Variants in CPQ observed in about 807,000 individuals in gnomAD.
CPQ encodes the protein carboxypeptidase Q, also known as Ser-Met dipeptidase.
In CPQ, 37 loss-of-function variants were observed where a neutral mutation model predicts 45.7. The ratio of observed to expected loss-of-function variants is 0.81; its 90% CI spans 0.62 to 1.07. The LOEUF is 1.07. Among genes scored for constraint, CPQ ranks in the 50% least tolerant of loss-of-function variants. CPQ has a pLI of 0.00. For synonymous variants in CPQ, 186 were observed against 205.8 expected, an observed-to-expected ratio of 0.90 and a Z score of 0.82; for missense variants, 537 against 572.9, an observed-to-expected ratio of 0.94 and a Z score of 0.64.
rs566810987 is a variant in CPQ, at chr8:97,122,799, C to T, written c.1256-20221C>T. Among the ~76,000 whole-genome samples the T allele has an allele frequency of 3.3e-5, 5 of 150,014 alleles. No individual in the cohort carries two copies. In the South Asian group the frequency reaches 6.3e-4, roughly 19 times the overall value. ...TCTCAGCAGCCTGAGGCAGGAGAAT[C>T]GCTTGAACCCAGGAGGCAGAGGTTT... On this transcript the variant is annotated intron_variant, in intron 7 of 7. Transcript: ENST00000220763.
At chr8:96,830,246 C>T (rs1811436191) in intron 2 of CPQ, among the ~76,000 whole-genome samples, 1 of 152,216 alleles carries the variant, frequency 6.6e-6, no homozygotes, top group South Asian at 2.1e-4. Flanking sequence ...AGACCATAGA[C>T]ACGTTTTTCT....
chr8:96,913,395 G>A (rs776295980), intron 4 of CPQ, among the ~76,000 whole-genome samples: 3 of 152,092 alleles, frequency 2.0e-5, no homozygotes, highest in South Asian at 2.1e-4. Context: ...TTACAAATGC[G>A]GTGTGCTTCC....
At chr8:97,082,561 G>A (rs1474238538) in intron 7 of CPQ, among the ~76,000 whole-genome samples, 2 of 152,156 alleles carry the variant, frequency 1.3e-5, no homozygotes, top group African/African-American at 4.8e-5. Flanking sequence ...AAGATCCCAA[G>A]AGCAAGAACT....
chr8:96,647,650 A>C (rs1815532916), intron 1 of CPQ, among the ~76,000 whole-genome samples: 1 of 152,232 alleles, frequency 6.6e-6, no homozygotes, highest in Admixed American at 6.5e-5. Flanking sequence ...GCATATATAC[A>C]AACCCTGGGT....
chr8:96,892,516 G>A (rs1197281680), intron 4 of CPQ, among the ~76,000 whole-genome samples: 2 of 152,186 alleles, frequency 1.3e-5, no homozygotes, highest in African/African-American at 4.8e-5. Flanking sequence ...GAGTTGGAAA[G>A]TTTCAGGGGG....
chr8:96,821,571 C>T (rs1458667378), intron 2 of CPQ, among the ~76,000 whole-genome samples: 1 of 151,838 alleles, frequency 6.6e-6, no homozygotes. Flanking sequence ...GTGCCTCAAA[C>T]TAGATTCTGT....
chr8:96,771,273 G>A lies in CPQ; in HGVS notation c.-34-13591G>A, dbSNP rs139214123. Among the ~76,000 whole-genome samples, 723 of 151,610 alleles carry A rather than the reference G, an allele frequency of 4.8e-3. 10 individuals carry two copies. The highest frequency in any genetic ancestry group is 0.012 in the African/African-American group (510 of 41,334). On this transcript the variant is annotated intron_variant, in intron 1 of 7. Transcript: ENST00000220763. The stretch of plus-strand genomic sequence containing the variant: ...AGAGATTCTATTGTGCTCTTTACCT[G>A]GCTTCCCCATTGGAACATCTCTACA...
intron 7 of CPQ, among the ~76,000 whole-genome samples, chr8:97,139,009 C>T (rs766117541): frequency 1.6e-4 from 25 of 152,004 alleles, no homozygotes; most frequent in Non-Finnish European, 5.9e-5. Context: ...AAAAATTCAA[C>T]TCTAAACTAT....
At chr8:97,124,070 A>C (rs1811802442) in intron 7 of CPQ, among the ~76,000 whole-genome samples, 2 of 151,890 alleles carry the variant, frequency 1.3e-5, no homozygotes, top group Non-Finnish European at 2.9e-5. Context: ...CTAAAGAAAA[A>C]CAAAAATTAG....
At chr8:96,883,302 A>AG (rs1812254334) in intron 4 of CPQ, among the ~76,000 whole-genome samples, 1 of 152,066 alleles carries the variant, frequency 6.6e-6, no homozygotes, top group Non-Finnish European at 1.5e-5. Context: ...CTTGGAGTGG[A>AG]ATTGCTGGAC....
chr8:96,948,751 C>A (rs1309918715), intron 4 of CPQ, among the ~76,000 whole-genome samples: 1 of 152,020 alleles, frequency 6.6e-6, no homozygotes, highest in Non-Finnish European at 1.5e-5. Context: ...TCGAAGTTTC[C>A]TACTATTACT....
At chr8:96,855,493 T>C (rs1284550503) in intron 3 of CPQ, among the ~76,000 whole-genome samples, 1 of 152,190 alleles carries the variant, frequency 6.6e-6, no homozygotes, top group East Asian at 1.9e-4. Context: ...AAAGAATTCA[T>C]TCATCCATTC....
At chr8:97,040,367 T>G (rs1180058395) in intron 6 of CPQ, among the ~76,000 whole-genome samples, 1 of 151,870 alleles carries the variant, frequency 6.6e-6, no homozygotes, top group East Asian at 1.9e-4. Flanking sequence ...GAGTTCATTG[T>G]AGATTCTGGA....
At chr8:96,869,689 A>G (rs1337978310) in intron 3 of CPQ, among the ~76,000 whole-genome samples, 1 of 152,070 alleles carries the variant, frequency 6.6e-6, no homozygotes, top group Non-Finnish European at 1.5e-5. Flanking sequence ...CAGCATTAGC[A>G]TTATGTGGGA....
chr8:97,100,477 G>C (rs904682430), intron 7 of CPQ, among the ~76,000 whole-genome samples: 2 of 152,120 alleles, frequency 1.3e-5, no homozygotes. Context: ...CTGGTCAGAG[G>C]AATCATGCAA....
chr8:96,860,477 C>G (rs1252970662), intron 3 of CPQ, among the ~76,000 whole-genome samples: 2 of 152,034 alleles, frequency 1.3e-5, no homozygotes, highest in Admixed American at 6.6e-5. Flanking sequence ...ATTTGAATAC[C>G]TTTTCCAATT....
In CPQ at chr8:97,118,735, C is replaced by T. The variant is rs369685447; in HGVS notation, c.1256-24285C>T. Among the ~76,000 whole-genome samples the T allele has an allele frequency of 4.0e-5, 6 of 151,750 alleles. No individual in the cohort carries two copies. The East Asian group carries it at 1.2e-3, about 29-fold the overall frequency. On this transcript the variant is annotated intron_variant, in intron 7 of 7. Coordinates refer to ENST00000220763, the MANE Select transcript of CPQ (RefSeq NM_016134.4). ...TCTTGGATTAAGTCTGGCTCATTGC[C>T]TGTTTTTCAAAGAAAAAAATTGTAT...
At chr8:96,964,400 A>T (rs1485693432) in intron 4 of CPQ, among the ~76,000 whole-genome samples, 1 of 152,130 alleles carries the variant, frequency 6.6e-6, no homozygotes, top group Non-Finnish European at 1.5e-5. Flanking sequence ...CATTTTAGCC[A>T]TCTGGTTCAA....
chr8:97,042,669 G>C lies in CPQ; in HGVS notation c.1053+13175G>C, dbSNP rs376688167. ...CACACTGCTTTGGATGTGTCCCAGA[G>C]ATTCTGGTATGTTGTGTCTTTGTTC... On this transcript the variant is annotated intron_variant, in intron 6 of 7. Transcript: ENST00000220763. Among the ~76,000 whole-genome samples, 11 of 151,776 alleles carry C rather than the reference G, an allele frequency of 7.2e-5. No homozygotes were observed. The East Asian group carries it at 1.5e-3, about 21-fold the overall frequency.
Sources: gnomAD v4.1 joint callset for allele counts (sites outside exome capture counted in the v4.1 genomes callset) on GRCh38, gnomAD v4.1.1 for gene constraint, MANE v1.5 for transcripts, NCBI Gene and HGNC (gene_info 2026-07-23, HGNC 2026-07-21) for gene names.